Variants in TCERG1L observed in about 807,000 individuals in gnomAD.
The protein encoded by TCERG1L is transcription elongation regulator 1 like.
In TCERG1L, 37 loss-of-function variants were observed where a neutral mutation model predicts 56.3. The observed-to-expected ratio is 0.66, with a 90% CI of 0.51 to 0.87. The LOEUF is 0.87. Ranked by LOEUF, TCERG1L falls within the 40% of genes least tolerant of loss-of-function variation. TCERG1L has a pLI of 0.00. For synonymous variants in TCERG1L, 324 were observed against 326.3 expected (o/e 0.99, Z 0.08); for missense variants, 799 against 774.2 (o/e 1.03, Z -0.38).
chr10:131,231,506 G>A (rs77307204), intron 4 of TCERG1L, among the ~76,000 whole-genome samples: 4,125 of 152,262 alleles, frequency 0.027, 174 homozygotes, highest in African/African-American at 0.092. Context: ...ACTGCCTGCA[G>A]AGCTTGTGGC....
At chr10:131,205,799 C>T (rs771456689) in intron 4 of TCERG1L, among the ~76,000 whole-genome samples, 2 of 152,216 alleles carry the variant, frequency 1.3e-5, no homozygotes, top group Non-Finnish European at 2.9e-5. Context: ...GTTGTTTTAT[C>T]CAAAAGATGT....
chr10:131,288,086 A>AAT (rs1846565366), intron 3 of TCERG1L, among the ~76,000 whole-genome samples: 1 of 152,036 alleles, frequency 6.6e-6, no homozygotes, highest in South Asian at 2.1e-4. Flanking sequence ...GGAACTGGGG[A>AAT]CCTGTGACGA....
At chr10:131,202,827 G>C (rs1199478321) in intron 4 of TCERG1L, among the ~76,000 whole-genome samples, 8 of 151,990 alleles carry the variant, frequency 5.3e-5, no homozygotes, top group Non-Finnish European at 1.2e-4. Flanking sequence ...CTTCTAAATT[G>C]TTTCCATTTT....
intron 4 of TCERG1L, among the ~76,000 whole-genome samples, chr10:131,172,646 G>A (rs893506): frequency 0.63 from 95,766 of 152,182 alleles, 30,233 homozygotes; most frequent in South Asian, 0.73. Flanking sequence ...ACCAGCTCAC[G>A]CGAGCCTTGC....
chr10:131,307,692 T>A (rs925833693), intron 3 of TCERG1L, among the ~76,000 whole-genome samples: 6 of 152,194 alleles, frequency 3.9e-5, no homozygotes, highest in African/African-American at 1.4e-4. Context: ...AGGACAAATG[T>A]TCTTTCAGGT....
intron 4 of TCERG1L, among the ~76,000 whole-genome samples, chr10:131,241,821 A>C (rs1467307546): frequency 6.6e-6 from 1 of 152,070 alleles, no homozygotes; most frequent in Non-Finnish European, 1.5e-5. Flanking sequence ...ATATTTTAAA[A>C]TGTCTAGATG....
intron 4 of TCERG1L, among the ~76,000 whole-genome samples, chr10:131,175,545 G>A (rs890603989): frequency 3.9e-5 from 6 of 152,326 alleles, no homozygotes; most frequent in Admixed American, 2.6e-4. Context: ...CCAGTTCCCT[G>A]CCCACCTCTG....
chr10:131,137,175 A>AGGGCACCCT (rs1046424284), intron 7 of TCERG1L, among the ~76,000 whole-genome samples: 1 of 152,018 alleles, frequency 6.6e-6, no homozygotes, highest in African/African-American at 2.4e-5. Context: ...CAAAAAACCG[A>AGGGCACCCT]GGGCACCCTG....
chr10:131,135,901 G>A (rs766787249), intron 7 of TCERG1L, among the ~76,000 whole-genome samples: 15 of 152,222 alleles, frequency 9.9e-5, no homozygotes, highest in Admixed American at 2.6e-4. Context: ...GAAGGGCGGA[G>A]GAGCCACAGC....
chr10:131,302,142 G>T (rs1372043423), intron 3 of TCERG1L, among the ~76,000 whole-genome samples: 1 of 151,992 alleles, frequency 6.6e-6, no homozygotes, highest in Non-Finnish European at 1.5e-5. Context: ...ATCACAAGAT[G>T]CTTTCCTCAT....
At chr10:131,216,126 A>C (rs541650700) in intron 4 of TCERG1L, among the ~76,000 whole-genome samples, 1 of 152,338 alleles carries the variant, frequency 6.6e-6, no homozygotes, top group East Asian at 1.9e-4. Flanking sequence ...ACAGTTTCAC[A>C]TTAGCAAAAT....
At chr10:131,238,924 G>A (rs1046624142) in intron 4 of TCERG1L, among the ~76,000 whole-genome samples, 1 of 152,212 alleles carries the variant, frequency 6.6e-6, no homozygotes, top group African/African-American at 2.4e-5. Context: ...CCATGCCAAC[G>A]TCCCCATGCA....
At chr10:131,107,286 A>AT (rs1845361740) in intron 9 of TCERG1L, among the ~76,000 whole-genome samples, 1 of 152,240 alleles carries the variant, frequency 6.6e-6, no homozygotes, top group African/African-American at 2.4e-5. Flanking sequence ...CCTATGTGGC[A>AT]TAACGACACC....
intron 4 of TCERG1L, among the ~76,000 whole-genome samples, chr10:131,176,574 GCA>G: frequency 6.6e-6 from 1 of 151,536 alleles, no homozygotes; most frequent in Non-Finnish European, 1.5e-5. Context: ...AGAGGCACGT[GCA>G]CACACACCAA....
intron 3 of TCERG1L, among the ~76,000 whole-genome samples, chr10:131,274,985 T>C (rs1479661323): frequency 1.3e-5 from 2 of 152,028 alleles, no homozygotes; most frequent in Admixed American, 6.6e-5. Context: ...AGGCCCCACA[T>C]TATATGACTG....
At chr10:131,261,107 G>A (rs961343287) in intron 3 of TCERG1L, among the ~76,000 whole-genome samples, 3 of 152,294 alleles carry the variant, frequency 2.0e-5, no homozygotes, top group Admixed American at 6.5e-5. Context: ...AGCGTGGGTC[G>A]CTCCTTGAGA....
At chr10:131,254,194 G>A (rs982449806) in intron 4 of TCERG1L, among the ~76,000 whole-genome samples, 2 of 151,940 alleles carry the variant, frequency 1.3e-5, no homozygotes, top group African/African-American at 4.8e-5. Context: ...GACAAATGGA[G>A]GGCTGCTCAG....
intron 7 of TCERG1L, among the ~76,000 whole-genome samples, chr10:131,143,657 G>C (rs1845762975): frequency 6.6e-6 from 1 of 152,136 alleles, no homozygotes; most frequent in African/African-American, 2.4e-5. Flanking sequence ...CCACGCCTCT[G>C]ACAGGCCTGG....
chr10:131,300,578 T>C (rs946782888), intron 3 of TCERG1L, among the ~76,000 whole-genome samples: 4 of 152,208 alleles, frequency 2.6e-5, no homozygotes, highest in Non-Finnish European at 5.9e-5. Flanking sequence ...TATATTTTTA[T>C]ATCGCTGATG....
Sources: allele counts gnomAD v4.1 joint callset (sites outside exome capture counted in the v4.1 genomes callset), GRCh38; gene constraint gnomAD v4.1.1; transcripts MANE v1.5; gene names NCBI Gene and HGNC (gene_info 2026-07-23, HGNC 2026-07-21).